Variants in IL20RA observed in about 807,000 individuals in gnomAD.
IL20RA encodes interleukin 20 receptor subunit alpha, also known as interleukin-20 receptor subunit alpha.
In IL20RA, 29 loss-of-function variants were observed where a neutral mutation model predicts 36.5. That is an observed-to-expected ratio of 0.79 (90% CI 0.59 to 1.08). IL20RA has a LOEUF of 1.08. Ranked by LOEUF, IL20RA falls within the 50% of genes least tolerant of loss-of-function variation. The pLI is 0.00. For synonymous variants in IL20RA, 279 were observed against 267.1 expected, an observed-to-expected ratio of 1.04 and a Z score of -0.43; for missense variants, 652 against 668.4, an observed-to-expected ratio of 0.98 and a Z score of 0.27.
At chr6:137,020,485 A>G (rs1582828777) in intron 1 of IL20RA, among the ~76,000 whole-genome samples, 1 of 95,778 alleles carries the variant, frequency 1.0e-5, no homozygotes, top group Non-Finnish European at 2.5e-5. Context: ...CAGACCAATC[A>G]CTAAAAAAAA....
intron 1 of IL20RA, among the ~76,000 whole-genome samples, chr6:137,041,869 T>C (rs150479173): frequency 1.7e-3 from 252 of 151,982 alleles, no homozygotes; most frequent in African/African-American, 5.7e-3. Flanking sequence ...AACATGCAGG[T>C]TTCTTACATA....
intron 1 of IL20RA, among the ~76,000 whole-genome samples, chr6:137,019,435 G>GT (rs886833879): frequency 3.9e-5 from 6 of 151,936 alleles, no homozygotes; most frequent in African/African-American, 1.5e-4. Flanking sequence ...AGCCCTATTT[G>GT]TTTTTTTAAT....
intron 1 of IL20RA, chr6:137,044,211 G>A: frequency 2.0e-6 from 2 of 987,734 alleles, no homozygotes; most frequent in Non-Finnish European, 2.4e-6. Flanking sequence ...CCCGGCGGCC[G>A]AGACGCGGCA....
At chr6:137,014,951 T>C (rs560103176) in intron 2 of IL20RA, among the ~76,000 whole-genome samples, 1 of 152,300 alleles carries the variant, frequency 6.6e-6, no homozygotes, top group South Asian at 2.1e-4. Flanking sequence ...ATCTCCTGAG[T>C]TCCCACCTGC....
chr6:137,044,259 G>A (rs1776816084), intron 1 of IL20RA: 1 of 993,002 alleles, frequency 1.0e-6, no homozygotes, highest in Non-Finnish European at 1.2e-6. Flanking sequence ...GGCGGTGGTG[G>A]CGGGAACCTG....
chr6:137,027,548 C>A (rs561204768), intron 1 of IL20RA, among the ~76,000 whole-genome samples: 2 of 152,220 alleles, frequency 1.3e-5, no homozygotes. Context: ...CAGCTATGCG[C>A]CCTCAAGCCA....
In IL20RA at chr6:137,038,516, G is replaced by C. The variant is rs534432812; in HGVS notation, c.88+6125C>G. 1.4e-3 allele frequency among the ~76,000 whole-genome samples: 218 copies of C among 152,130 alleles called. 1 individual carries two copies. Among genetic ancestry groups the C allele is most frequent in the African/African-American group, 5.2e-3 (215 of 41,508 alleles). On this transcript the variant is annotated intron_variant, in intron 1 of 6. Coordinates refer to ENST00000316649, the MANE Select transcript of IL20RA (RefSeq NM_014432.4). ...TTGGCCTTGTTCTCCAATTTTATATGTAATTGATAGACCTTGGAATTGATT... is the reference window on the plus strand; with the variant it reads ...TTGGCCTTGTTCTCCAATTTTATATCTAATTGATAGACCTTGGAATTGATT...
chr6:137,010,257 GGCCA>G, intron 3 of IL20RA, among the ~76,000 whole-genome samples: 1 of 152,314 alleles, frequency 6.6e-6, no homozygotes, highest in Middle Eastern at 3.4e-3. Context: ...AGGCATCGCA[GGCCA>G]TATGATCTTT....
intron 1 of IL20RA, among the ~76,000 whole-genome samples, chr6:137,041,113 T>C (rs1437539299): frequency 6.6e-6 from 1 of 152,216 alleles, no homozygotes; most frequent in Non-Finnish European, 1.5e-5. Flanking sequence ...AAACTTTACA[T>C]GAACCCAAAC....
Position 137,004,652 on chromosome 6 carries a change from T to C in IL20RA, c.833A>G (p.His278Arg). 6.2e-7 allele frequency: 1 copy of C among 1,613,638 alleles called. No homozygotes were observed. The highest frequency in any genetic ancestry group is 2.2e-5 in the East Asian group (1 of 44,866). ...TGCTGGGTGTTTCTCTTTGCCAACG[T>C]GGATATATCGGTAGATGGAATAGCC... ...VMGYSIYRYI[H>R]VGKEKHPANL... is the part of the protein sequence containing the mutation. Residue 278 changes from histidine to arginine, a missense_variant, in exon 6 of 7, where the codon CAC becomes CGC. Transcript: ENST00000316649.
At chr6:137,031,031 C>T (rs1229879836) in intron 1 of IL20RA, among the ~76,000 whole-genome samples, 1 of 152,162 alleles carries the variant, frequency 6.6e-6, no homozygotes, top group African/African-American at 2.4e-5. Context: ...TTTACTGTTC[C>T]TTACCGTTAA....
intron 5 of IL20RA, 96 bp downstream of exon 5, chr6:137,008,503 G>A (rs2115371711): frequency 1.5e-6 from 2 of 1,294,224 alleles, no homozygotes; most frequent in Non-Finnish European, 2.1e-6. Flanking sequence ...GTTTCTGTTA[G>A]ACACGGATTT....
intron 1 of IL20RA, among the ~76,000 whole-genome samples, chr6:137,036,991 G>A (rs1776513336): frequency 6.6e-6 from 1 of 152,190 alleles, no homozygotes; most frequent in East Asian, 1.9e-4. Context: ...AAATACGGTT[G>A]ATAATGTAAA....
intron 1 of IL20RA, among the ~76,000 whole-genome samples, chr6:137,020,566 T>C (rs1013075563): frequency 4.6e-5 from 7 of 151,934 alleles, no homozygotes; most frequent in African/African-American, 1.7e-4. Context: ...AAATGTTCTT[T>C]CTAATAGTTT....
chr6:137,044,352 C>G (rs888717742), intron 1 of IL20RA: 116 of 1,062,136 alleles, frequency 1.1e-4, no homozygotes, highest in Non-Finnish European at 1.3e-4. Context: ...AGCGCACCCC[C>G]CACCGAACTC....
intron 1 of IL20RA, among the ~76,000 whole-genome samples, chr6:137,033,404 G>A (rs935453356): frequency 6.6e-6 from 1 of 152,248 alleles, no homozygotes; most frequent in Non-Finnish European, 1.5e-5. Context: ...CCCAATGTAA[G>A]AGGTAGGACC....
chr6:137,034,869 C>T (rs943312636), intron 1 of IL20RA, among the ~76,000 whole-genome samples: 7 of 151,346 alleles, frequency 4.6e-5, no homozygotes, highest in South Asian at 2.1e-4. Context: ...GGTGAGAACC[C>T]GGAAGGCGGA....
At chr6:137,041,763 T>C (rs1232044258) in intron 1 of IL20RA, among the ~76,000 whole-genome samples, 1 of 152,110 alleles carries the variant, frequency 6.6e-6, no homozygotes, top group Non-Finnish European at 1.5e-5. Flanking sequence ...CATCATAAGC[T>C]ATACTTTTTT....
Position 137,044,722 on chromosome 6 carries a change from C to G in IL20RA, c.7G>C (p.Ala3Pro), listed in dbSNP as rs894761402. 2.5e-6 allele frequency: 3 copies of G among 1,218,646 alleles called. No individual in the cohort carries two copies. Among genetic ancestry groups the G allele is most frequent in the Non-Finnish European group, 3.1e-6 (3 of 979,986 alleles). 75.5% of individuals were successfully genotyped at this position (1,218,646 alleles called of 1,614,324 possible). ...GGCCGCAGGGCCGGGCGGCCGGGAG[C>G]CCGCATGGGCGGCGGGGCTGGGTCA... Reference protein sequence around the residue: MRAPGRPALRPLP... With the variant: MRPPGRPALRPLP... Residue 3 changes from alanine to proline, a missense_variant, in exon 1 of 7, where the codon GCT (alanine) becomes CCT (proline). Physicochemically the swap from Ala to Pro is conservative, Grantham distance 27 (BLOSUM62 -1). Transcript: ENST00000316649.
Sources: allele counts gnomAD v4.1 joint callset (sites outside exome capture counted in the v4.1 genomes callset), GRCh38; gene constraint gnomAD v4.1.1; transcripts MANE v1.5; gene names NCBI Gene and HGNC (gene_info 2026-07-23, HGNC 2026-07-21).